Variants in BMP5 observed in about 807,000 individuals in gnomAD.
BMP5 encodes bone morphogenetic protein 5.
In BMP5, 23 loss-of-function variants were observed where a neutral mutation model predicts 46.6. The ratio of observed to expected loss-of-function variants is 0.49; its 90% CI spans 0.35 to 0.70. The LOEUF (loss-of-function observed/expected upper bound fraction) is 0.70. BMP5 is among the 30% of genes least tolerant of loss of function. The pLI, the probability that BMP5 is intolerant of heterozygous loss-of-function variation, is 0.00. For missense variants in BMP5, 545 were observed against 565.6 expected (o/e 0.96, Z 0.37); for synonymous variants, 204 against 191.9 (o/e 1.06, Z -0.52).
intron 2 of BMP5, among the ~76,000 whole-genome samples, chr6:55,818,431 GAAC>G (rs1292537939): frequency 6.6e-5 from 10 of 151,926 alleles, no homozygotes; most frequent in African/African-American, 2.4e-4. Flanking sequence ...TAAAGAATCA[GAAC>G]AAGAACTTCC....
chr6:55,796,013 C>A (rs1005750020), intron 2 of BMP5, among the ~76,000 whole-genome samples: 1 of 152,130 alleles, frequency 6.6e-6, no homozygotes, highest in Non-Finnish European at 1.5e-5. Context: ...TCCAAATAAG[C>A]AGACAAGAAA....
intron 3 of BMP5, among the ~76,000 whole-genome samples, chr6:55,786,037 T>G (rs185514778): frequency 6.6e-6 from 1 of 151,888 alleles, no homozygotes; most frequent in East Asian, 1.9e-4. Context: ...CTTGAGAATG[T>G]GTATATGCCT....
At chr6:55,862,513 T>C (rs970324392) in intron 1 of BMP5, among the ~76,000 whole-genome samples, 4 of 152,202 alleles carry the variant, frequency 2.6e-5, no homozygotes, top group African/African-American at 9.6e-5. Flanking sequence ...CAGTAAAATA[T>C]GGGTGAAAAT....
intron 1 of BMP5, among the ~76,000 whole-genome samples, chr6:55,857,025 A>T (rs925414201): frequency 6.6e-6 from 1 of 152,138 alleles, no homozygotes; most frequent in Admixed American, 6.5e-5. Context: ...AGCTTTGTAA[A>T]GTTTTATGTG....
At chr6:55,839,970 GATA>G (rs1436525639) in intron 1 of BMP5, among the ~76,000 whole-genome samples, 13 of 152,116 alleles carry the variant, frequency 8.5e-5, no homozygotes, top group African/African-American at 2.9e-4. Context: ...TATGTATATT[GATA>G]ATATTTTGTC....
At chr6:55,841,244 G>GGTTGAT (rs1166654287) in intron 1 of BMP5, among the ~76,000 whole-genome samples, 1 of 151,962 alleles carries the variant, frequency 6.6e-6, no homozygotes, top group African/African-American at 2.4e-5. Context: ...TAGATCATTA[G>GGTTGAT]GTTGATGTTG....
At chr6:55,788,778 T>A (rs1384947671) in intron 3 of BMP5, among the ~76,000 whole-genome samples, 1 of 151,918 alleles carries the variant, frequency 6.6e-6, no homozygotes, top group East Asian at 1.9e-4. Flanking sequence ...CTAATTTTCC[T>A]AATGATTTCT....
chr6:55,764,770 T>C (rs965403603), intron 4 of BMP5, among the ~76,000 whole-genome samples: 5 of 150,336 alleles, frequency 3.3e-5, no homozygotes, highest in Non-Finnish European at 5.9e-5. Context: ...AGAATGGTGG[T>C]TACCAAAAGC....
chr6:55,815,735 T>C (rs1776245878), intron 2 of BMP5, among the ~76,000 whole-genome samples: 1 of 152,086 alleles, frequency 6.6e-6, no homozygotes, highest in African/African-American at 2.4e-5. Context: ...CCCAAAACTA[T>C]GAAGTCACGT....
Position 55,755,471 on chromosome 6 carries a change from C to A in BMP5, c.*62G>T. The A allele has an allele frequency of 6.6e-7, 1 of 1,505,582 alleles. No homozygotes were observed. Among genetic ancestry groups the A allele is most frequent in the East Asian group, 2.3e-5 (1 of 42,756 alleles). The allele number at this position is 1,505,582 out of a possible 1,614,324, so 93.3% of individuals were successfully genotyped here. A position where few individuals can be genotyped will look rare whatever the true frequency, so the allele number is the denominator to read the frequency against. ...AATTCCCCGTTTGTCTGAAAGTATG[C>A]TTTTTATTGCAGCCATAAACCTTAA... On this transcript the variant is annotated 3_prime_UTR_variant, in exon 7 of 7. Transcript: ENST00000370830.
chr6:55,808,313 G>A (rs1213141062), intron 2 of BMP5, among the ~76,000 whole-genome samples: 1 of 152,182 alleles, frequency 6.6e-6, no homozygotes, highest in African/African-American at 2.4e-5. Flanking sequence ...TTGGGACCAA[G>A]CCATCCAGTC....
intron 1 of BMP5, among the ~76,000 whole-genome samples, chr6:55,830,996 G>A (rs1351920701): frequency 6.6e-6 from 1 of 152,022 alleles, no homozygotes; most frequent in Non-Finnish European, 1.5e-5. Flanking sequence ...GGAAAACAGA[G>A]GGTTCTTCAC....
chr6:55,759,982 G>A (rs572964566), intron 5 of BMP5, among the ~76,000 whole-genome samples: 10 of 151,850 alleles, frequency 6.6e-5, no homozygotes, highest in Admixed American at 3.9e-4. Flanking sequence ...TTACTTTGGT[G>A]AAATTTTCCT....
chr6:55,858,695 T>G (rs998815329), intron 1 of BMP5, among the ~76,000 whole-genome samples: 1 of 152,244 alleles, frequency 6.6e-6, no homozygotes, highest in Non-Finnish European at 1.5e-5. Flanking sequence ...GTGTATTTAT[T>G]GCAGCACTAT....
At chr6:55,767,586 TAGAG>T (rs36066543) in intron 4 of BMP5, among the ~76,000 whole-genome samples, 36,968 of 151,520 alleles carry the variant, frequency 0.24, 4,793 homozygotes, top group African/African-American at 0.33. Flanking sequence ...AATATATAGA[TAGAG>T]AGAGCTAGCT....
intron 3 of BMP5, among the ~76,000 whole-genome samples, chr6:55,782,238 C>A (rs773324283): frequency 6.6e-6 from 1 of 151,932 alleles, no homozygotes; most frequent in Non-Finnish European, 1.5e-5. Context: ...CACATTGTAC[C>A]GCAAAAATAT....
chr6:55,801,934 T>C (rs189025624), intron 2 of BMP5, among the ~76,000 whole-genome samples: 1 of 152,352 alleles, frequency 6.6e-6, no homozygotes, highest in East Asian at 1.9e-4. Flanking sequence ...AGGATGGCCT[T>C]TTGAAGACTC....
intron 1 of BMP5, among the ~76,000 whole-genome samples, chr6:55,850,911 CT>C (rs1363249345): frequency 6.6e-6 from 1 of 152,122 alleles, no homozygotes; most frequent in Non-Finnish European, 1.5e-5. Flanking sequence ...ATGTAGAATG[CT>C]TTAAGTGATG....
intron 1 of BMP5, among the ~76,000 whole-genome samples, chr6:55,857,031 A>G (rs935756447): frequency 1.1e-4 from 16 of 152,260 alleles, no homozygotes; most frequent in African/African-American, 3.8e-4. Flanking sequence ...GTAAAGTTTT[A>G]TGTGGTTCAT....
Sources: gnomAD v4.1 joint callset for allele counts (sites outside exome capture counted in the v4.1 genomes callset) on GRCh38, gnomAD v4.1.1 for gene constraint, MANE v1.5 for transcripts, NCBI Gene and HGNC (gene_info 2026-07-23, HGNC 2026-07-21) for gene names.